The following MGAT5 variants were observed in gnomAD, a reference collection of about 807,000 sequenced individuals.
MGAT5 encodes the protein alpha-1,6-mannosylglycoprotein 6-beta-N-acetylglucosaminyltransferase A.
A neutral mutation model predicts 94.3 loss-of-function variants in MGAT5; 30 were observed. The ratio of observed to expected loss-of-function variants is 0.32; its 90% CI spans 0.24 to 0.43. MGAT5 has a LOEUF of 0.43. MGAT5 is among the 20% of genes least tolerant of loss of function. MGAT5 has a pLI of 1.00. For synonymous variants in MGAT5, 310 were observed against 322.9 expected (o/e 0.96, Z 0.43); for missense variants, 691 against 905.5 (o/e 0.76, Z 3.04).
At chr2:134,240,170 T>G (rs1257184) in intron 1 of MGAT5, among the ~76,000 whole-genome samples, 2 of 151,988 alleles carry the variant, frequency 1.3e-5, no homozygotes. Flanking sequence ...TCTCTTCTTT[T>G]GTTTACTGCT....
At chr2:134,214,648 A>T (rs1680374714) in intron 1 of MGAT5, among the ~76,000 whole-genome samples, 1 of 151,710 alleles carries the variant, frequency 6.6e-6, no homozygotes, top group South Asian at 2.1e-4. Flanking sequence ...AACAAAAGAT[A>T]CTCTTCTCAT....
chr2:134,431,839 A>G (rs1684897730), intron 14 of MGAT5, among the ~76,000 whole-genome samples: 1 of 152,162 alleles, frequency 6.6e-6, no homozygotes, highest in Non-Finnish European at 1.5e-5. Flanking sequence ...TGTGCAGTTG[A>G]GCAGTCGCCA....
chr2:134,452,701 T>C lies in MGAT5; in HGVS notation c.*3854T>C, dbSNP rs1686168471. 1 of 152,246 alleles carries C rather than the reference T, an allele frequency of 6.6e-6. No homozygotes were observed. The highest frequency in any genetic ancestry group is 2.4e-5 in the African/African-American group (1 of 41,476). The allele number at this position is 152,246 out of a possible 1,614,324, so 9.4% of individuals were successfully genotyped here. A position where few individuals can be genotyped will look rare whatever the true frequency, so the allele number is the denominator to read the frequency against. On this transcript the variant is annotated 3_prime_UTR_variant, in exon 16 of 16. Coordinates refer to ENST00000281923, the MANE Select transcript of MGAT5 (RefSeq NM_002410.5). ...TTCTTGATTTAAAAAGAAAAGTCTA[T>C]TTTGTTAACGACAGGCTCTGTTGTA...
chr2:134,446,229 G>A (rs1021627186), intron 15 of MGAT5, among the ~76,000 whole-genome samples: 8 of 152,000 alleles, frequency 5.3e-5, no homozygotes, highest in Admixed American at 4.6e-4. Flanking sequence ...ACAGACACAC[G>A]CTCATGTGTG....
intron 1 of MGAT5, among the ~76,000 whole-genome samples, chr2:134,196,201 C>G (rs940197211): frequency 6.6e-6 from 1 of 152,132 alleles, no homozygotes; most frequent in African/African-American, 2.4e-5. Flanking sequence ...AACAAGTTAG[C>G]AGAAGTGGAA....
chr2:134,353,067 GC>G (rs1679488775), intron 9 of MGAT5, among the ~76,000 whole-genome samples: 1 of 152,148 alleles, frequency 6.6e-6, no homozygotes, highest in African/African-American at 2.4e-5. Flanking sequence ...GTGTTTAATG[GC>G]TATGGGGTTT....
At chr2:134,436,870 C>T (rs1278471200) in intron 14 of MGAT5, among the ~76,000 whole-genome samples, 1 of 152,230 alleles carries the variant, frequency 6.6e-6, no homozygotes, top group Admixed American at 6.5e-5. Context: ...ACACCCAAAG[C>T]ACCACAGTGG....
At position 134,254,615 on chromosome 2, in the gene MGAT5, G is replaced by A; in HGVS notation, c.212G>A (p.Gly71Glu). ...GAAGAAAACAGGAATGTGGTGGATGGGCCATACGCTGGAGTCATGACAGCT... is the reference window on the plus strand; with the variant it reads ...GAAGAAAACAGGAATGTGGTGGATGAGCCATACGCTGGAGTCATGACAGCT... Reference protein sequence around the residue: ...LAEENRNVVDGPYAGVMTAYD... With the variant: ...LAEENRNVVDEPYAGVMTAYD... Residue 71 changes from glycine to glutamate, a missense_variant, in exon 1 of 16, where the codon GGG (glycine) becomes GAG (glutamate). By Grantham distance (98) the Gly-to-Glu change is moderately conservative (BLOSUM62 -2). Around this residue, in one of 4 missense-constraint regions of MGAT5, gnomAD observed 307 missense variants for 335.4 expected, o/e 0.92. Transcript: ENST00000281923. The A allele has an allele frequency of 6.2e-7, 1 of 1,614,196 alleles. No individual in the cohort carries two copies. The highest frequency in any genetic ancestry group is 8.5e-7 in the Non-Finnish European group (1 of 1,180,036).
intron 1 of MGAT5, among the ~76,000 whole-genome samples, chr2:134,266,190 A>T (rs907145066): frequency 3.3e-5 from 5 of 152,014 alleles, no homozygotes; most frequent in African/African-American, 1.2e-4. Context: ...TTAAAACACA[A>T]AAATACTGTT....
At chr2:134,240,104 G>T (rs1681891228) in intron 1 of MGAT5, among the ~76,000 whole-genome samples, 1 of 152,144 alleles carries the variant, frequency 6.6e-6, no homozygotes, top group African/African-American at 2.4e-5. Flanking sequence ...AGTGTATAAT[G>T]AGCAAAACCT....
chr2:134,207,280 A>G (rs564155675), intron 1 of MGAT5, among the ~76,000 whole-genome samples: 1 of 152,298 alleles, frequency 6.6e-6, no homozygotes, highest in African/African-American at 2.4e-5. Flanking sequence ...CCTTAACTCC[A>G]TCTGCATCCT....
chr2:134,310,043 G>A (rs1035071903), intron 2 of MGAT5, among the ~76,000 whole-genome samples: 7 of 152,114 alleles, frequency 4.6e-5, no homozygotes, highest in Admixed American at 3.3e-4. Context: ...TTCTTGAAAA[G>A]CTATACATAG....
At chr2:134,432,484 AAGGTGGG>A (rs1684938718) in intron 14 of MGAT5, among the ~76,000 whole-genome samples, 1 of 152,240 alleles carries the variant, frequency 6.6e-6, no homozygotes, top group South Asian at 2.1e-4. Flanking sequence ...GGATAGTCCA[AAGGTGGG>A]AGCAATGGTA....
Position 134,374,480 on chromosome 2 carries a change from G to A in MGAT5, c.1380+12072G>A, listed in dbSNP as rs190351914. Reference sequence around the variant, plus strand: ...TTACAATGTGGAATATTTGTTGGAAGCAGATTTCAACCTTCAATTGCAAGA... The same window carrying A: ...TTACAATGTGGAATATTTGTTGGAAACAGATTTCAACCTTCAATTGCAAGA... On this transcript the variant is annotated intron_variant, in intron 10 of 15. Transcript: ENST00000281923. Among the ~76,000 whole-genome samples, 21 of 152,286 alleles carry A rather than the reference G, an allele frequency of 1.4e-4. No individual in the cohort carries two copies. The East Asian group carries it at 4.0e-3, about 29-fold the overall frequency.
intron 8 of MGAT5, among the ~76,000 whole-genome samples, chr2:134,345,492 G>A (rs1378731795): frequency 2.0e-5 from 3 of 152,106 alleles, no homozygotes; most frequent in East Asian, 3.9e-4. Flanking sequence ...TTATCTGAAT[G>A]CTGGGGTCTT....
chr2:134,352,243 T>C (rs866686009), intron 9 of MGAT5, among the ~76,000 whole-genome samples: 9 of 152,206 alleles, frequency 5.9e-5, no homozygotes, highest in African/African-American at 2.2e-4. Context: ...AGATGTGGCA[T>C]GTGCTCAAGG....
intron 1 of MGAT5, among the ~76,000 whole-genome samples, chr2:134,123,695 A>C (rs891625112): frequency 1.3e-5 from 2 of 152,016 alleles, no homozygotes; most frequent in Admixed American, 1.3e-4. Context: ...AAGTTTGGGG[A>C]AGGCTCCTGG....
At chr2:134,439,968 T>A (rs1685393879) in intron 14 of MGAT5, among the ~76,000 whole-genome samples, 1 of 152,106 alleles carries the variant, frequency 6.6e-6, no homozygotes, top group African/African-American at 2.4e-5. Context: ...TCCGCACAGA[T>A]CTGGAAAGGA....
chr2:134,426,891 C>A (rs976111625), intron 13 of MGAT5, among the ~76,000 whole-genome samples: 1 of 152,144 alleles, frequency 6.6e-6, no homozygotes, highest in Non-Finnish European at 1.5e-5. Context: ...CCTCTCTGTT[C>A]TTGTAGAATA....
Sources: allele counts gnomAD v4.1 joint callset (sites outside exome capture counted in the v4.1 genomes callset), GRCh38; gene constraint gnomAD v4.1.1; regional missense constraint gnomAD v4.1.1; transcripts MANE v1.5; gene names NCBI Gene and HGNC (gene_info 2026-07-23, HGNC 2026-07-21).